Variants in CNTN1 observed in about 807,000 individuals in gnomAD.
The protein encoded by CNTN1 is contactin-1.
CNTN1 carries 38 observed loss-of-function variants against 126.4 expected under a neutral mutation model. The ratio of observed to expected loss-of-function variants is 0.30; its 90% CI spans 0.23 to 0.39. The LOEUF (loss-of-function observed/expected upper bound fraction) is 0.39, where lower values mean the gene tolerates loss of function less well. Ranked by LOEUF, CNTN1 falls within the 10% of genes least tolerant of loss-of-function variation. The pLI, the probability that CNTN1 is intolerant of heterozygous loss-of-function variation, is 1.00. For synonymous variants in CNTN1, 413 were observed against 422.6 expected (o/e 0.98, Z 0.28); for missense variants, 1,009 against 1,248.4 (o/e 0.81, Z 2.89).
At chr12:40,961,364 G>A (rs1426236082) in intron 15 of CNTN1, among the ~76,000 whole-genome samples, 6 of 151,920 alleles carry the variant, frequency 3.9e-5, no homozygotes, top group African/African-American at 1.2e-4. Context: ...TCAAAAACAT[G>A]TATAGATGTT....
In CNTN1 at chr12:40,943,617, G is replaced by A; in HGVS notation, c.1400G>A (p.Gly467Asp). Residue 467 changes from glycine (G) to aspartate (D), a missense_variant, in exon 13 of 24, where the codon GGT becomes GAT. Transcript: ENST00000551295. Reference protein sequence around the residue: ...NSSRILIWEDGSLEINNITRN... With the variant: ...NSSRILIWEDDSLEINNITRN... The stretch of plus-strand genomic sequence containing the variant: ...ACTAGAATACTCATTTGGGAAGATG[G>A]TAGCTTGGAAATCAACAACATTACA... 1.3e-6 allele frequency: 2 copies of A among 1,587,224 alleles called. No homozygotes were observed. The highest frequency in any genetic ancestry group is 8.7e-7 in the Non-Finnish European group (1 of 1,155,852).
At chr12:40,792,902 TCA>T (rs1272108956) in intron 1 of CNTN1, among the ~76,000 whole-genome samples, 1 of 152,148 alleles carries the variant, frequency 6.6e-6, no homozygotes, top group Non-Finnish European at 1.5e-5. Flanking sequence ...AGATGACTAT[TCA>T]GACGGGTTAC....
intron 23 of CNTN1, among the ~76,000 whole-genome samples, chr12:41,057,546 A>G (rs564953799): frequency 3.9e-4 from 59 of 152,178 alleles, no homozygotes; most frequent in African/African-American, 1.4e-3. Context: ...CAATATCAAC[A>G]TAAGACTCTG....
chr12:40,842,522 T>C (rs1440006677), intron 1 of CNTN1, among the ~76,000 whole-genome samples: 1 of 152,066 alleles, frequency 6.6e-6, no homozygotes, highest in Non-Finnish European at 1.5e-5. Context: ...ATAATATATA[T>C]AACTTATGTA....
intron 1 of CNTN1, among the ~76,000 whole-genome samples, chr12:40,865,251 C>G (rs1201171694): frequency 6.6e-6 from 1 of 152,062 alleles, no homozygotes; most frequent in African/African-American, 2.4e-5. Context: ...ATACAAGTCA[C>G]TTATTAGATA....
At chr12:40,853,155 T>A (rs2136622670) in intron 1 of CNTN1, among the ~76,000 whole-genome samples, 1 of 152,224 alleles carries the variant, frequency 6.6e-6, no homozygotes, top group South Asian at 2.1e-4. Context: ...TTGCCTTAAC[T>A]GCTGGAGGTT....
At chr12:40,755,190 C>CAAAAAAAAAA (rs557970110) in intron 1 of CNTN1, among the ~76,000 whole-genome samples, 7 of 78,198 alleles carry the variant, frequency 9.0e-5, no homozygotes, top group African/African-American at 1.7e-4. Context: ...GACCCCACCT[C>CAAAAAAAAAA]AAAAAAAAAA....
chr12:40,860,734 A>G (rs1025648462), intron 1 of CNTN1, among the ~76,000 whole-genome samples: 3 of 152,116 alleles, frequency 2.0e-5, no homozygotes, highest in Non-Finnish European at 2.9e-5. Context: ...CAGTAACTCC[A>G]TGTGTTCGCC....
At chr12:40,740,531 G>C (rs906202053) in intron 1 of CNTN1, among the ~76,000 whole-genome samples, 1 of 152,118 alleles carries the variant, frequency 6.6e-6, no homozygotes, top group Non-Finnish European at 1.5e-5. Flanking sequence ...CTTGGCAAAT[G>C]TCAGGCATGG....
At chr12:40,795,721 T>A (rs984910307) in intron 1 of CNTN1, among the ~76,000 whole-genome samples, 1 of 152,108 alleles carries the variant, frequency 6.6e-6, no homozygotes, top group African/African-American at 2.4e-5. Context: ...TTTAAGCTCT[T>A]ATTGGTCATT....
chr12:41,015,660 C>A (rs1948763525), intron 18 of CNTN1, among the ~76,000 whole-genome samples: 1 of 150,926 alleles, frequency 6.6e-6, no homozygotes, highest in African/African-American at 2.4e-5. Flanking sequence ...TATGTCCAAG[C>A]AATAGTGTTA....
intron 1 of CNTN1, among the ~76,000 whole-genome samples, chr12:40,723,347 T>G (rs1453471395): frequency 1.3e-5 from 2 of 152,222 alleles, no homozygotes; most frequent in East Asian, 3.9e-4. Context: ...AGTTGTCTGG[T>G]GAAGAAGCCA....
intron 17 of CNTN1, among the ~76,000 whole-genome samples, chr12:41,013,155 G>A (rs1403062977): frequency 6.6e-6 from 1 of 152,164 alleles, no homozygotes; most frequent in Non-Finnish European, 1.5e-5. Context: ...TGTTTACATA[G>A]TGCGTGGGGA....
chr12:40,938,733 G>A (rs901275192), intron 11 of CNTN1, among the ~76,000 whole-genome samples: 3 of 152,122 alleles, frequency 2.0e-5, no homozygotes, highest in African/African-American at 4.8e-5. Flanking sequence ...AGAATTCAGA[G>A]TTAATTTTAA....
intron 1 of CNTN1, among the ~76,000 whole-genome samples, chr12:40,765,729 C>T (rs1196643093): frequency 6.6e-6 from 1 of 152,194 alleles, no homozygotes; most frequent in Non-Finnish European, 1.5e-5. Context: ...GATGGTATAA[C>T]ACCCATATTT....
chr12:40,875,065 T>C (rs932825255), intron 1 of CNTN1, among the ~76,000 whole-genome samples: 1 of 152,150 alleles, frequency 6.6e-6, no homozygotes, highest in Non-Finnish European at 1.5e-5. Context: ...TAGTTCTCCA[T>C]CTTGTCTGCA....
intron 21 of CNTN1, among the ~76,000 whole-genome samples, chr12:41,027,487 A>C (rs2120838035): frequency 6.6e-6 from 1 of 152,330 alleles, no homozygotes; most frequent in Admixed American, 6.5e-5. Flanking sequence ...GAAGATGGTC[A>C]ATTCTGTGAA....
Position 41,016,788 on chromosome 12 carries a change from C to G in CNTN1, c.2291C>G (p.Thr764Ser), listed in dbSNP as rs1200676213. ...WKKVTVTNPD[T>S]GRYVHKDETM... Reference sequence around the variant, plus strand: ...AAAGTCACAGTTACTAATCCTGATACTGGCCGATATGTCCATAAAGATGAA... The same window carrying G: ...AAAGTCACAGTTACTAATCCTGATAGTGGCCGATATGTCCATAAAGATGAA... Residue 764 changes from threonine to serine, a missense_variant, in exon 19 of 24, where the codon ACT (threonine) becomes AGT (serine). By Grantham distance (58) the Thr-to-Ser change is moderately conservative. Transcript: ENST00000551295. 1.2e-6 allele frequency: 2 copies of G among 1,614,070 alleles called. No homozygotes were observed. The highest frequency in any genetic ancestry group is 1.7e-5 in the Admixed American group (1 of 60,026).
At chr12:40,842,855 G>A (rs1389343793) in intron 1 of CNTN1, among the ~76,000 whole-genome samples, 1 of 152,078 alleles carries the variant, frequency 6.6e-6, no homozygotes, top group Non-Finnish European at 1.5e-5. Flanking sequence ...TATGTTTAAT[G>A]TACATATCCA....
Sources: gnomAD v4.1 joint callset for allele counts (sites outside exome capture counted in the v4.1 genomes callset) on GRCh38, gnomAD v4.1.1 for gene constraint, MANE v1.5 for transcripts, NCBI Gene and HGNC (gene_info 2026-07-23, HGNC 2026-07-21) for gene names.